Variants in MICAL2 observed in about 807,000 individuals in gnomAD.
MICAL2 encodes the protein [F-actin]-monooxygenase MICAL2.
A neutral mutation model predicts 127.3 loss-of-function variants in MICAL2; 77 were observed. The ratio of observed to expected loss-of-function variants is 0.60; its 90% CI spans 0.50 to 0.73. MICAL2 has a LOEUF of 0.73. MICAL2 is among the 30% of genes least tolerant of loss of function. MICAL2 has a pLI of 0.00. For missense variants in MICAL2, 1,351 were observed against 1,434.4 expected, an observed-to-expected ratio of 0.94 and a Z score of 0.94; for synonymous variants, 570 against 551.1, an observed-to-expected ratio of 1.03 and a Z score of -0.48.
chr11:12,202,826 G>C (rs1854193432), intron 3 of MICAL2, among the ~76,000 whole-genome samples: 1 of 152,106 alleles, frequency 6.6e-6, no homozygotes, highest in Middle Eastern at 3.2e-3. Flanking sequence ...CCCTCTTATA[G>C]TACACAATTC....
downstream of MICAL2, among the ~76,000 whole-genome samples, chr11:12,359,789 G>A (rs913126351): frequency 1.3e-5 from 2 of 152,284 alleles, no homozygotes; most frequent in Non-Finnish European, 2.9e-5. Context: ...ATCGATAAGA[G>A]AAACACTAAA....
At chr11:12,111,885 C>A (rs1449114374) in intron 1 of MICAL2, among the ~76,000 whole-genome samples, 1 of 152,190 alleles carries the variant, frequency 6.6e-6, no homozygotes, top group African/African-American at 2.4e-5. Flanking sequence ...AAGTGGGCCT[C>A]CGGTCTCCAG....
downstream of MICAL2, chr11:12,294,896 C>G (rs1863966023): frequency 1.4e-6 from 2 of 1,428,370 alleles, no homozygotes; most frequent in Non-Finnish European, 9.1e-7. Context: ...GCCCTTCATG[C>G]TGGGCAGTTA....
chr11:12,229,490 C>T (rs921650552), intron 15 of MICAL2, among the ~76,000 whole-genome samples: 11 of 152,208 alleles, frequency 7.2e-5, no homozygotes, highest in Admixed American at 7.2e-4. Flanking sequence ...CTGTTTGGCC[C>T]CAGGCAAGCC....
intron 3 of MICAL2, among the ~76,000 whole-genome samples, chr11:12,183,434 C>T (rs555119954): frequency 6.6e-6 from 1 of 152,284 alleles, no homozygotes; most frequent in Admixed American, 6.5e-5. Flanking sequence ...TGTCCTGGCC[C>T]AGACACAGAG....
At chr11:12,141,952 A>G (rs1852391106) in intron 2 of MICAL2, among the ~76,000 whole-genome samples, 1 of 152,246 alleles carries the variant, frequency 6.6e-6, no homozygotes, top group Non-Finnish European at 1.5e-5. Context: ...AGCTGAAAAG[A>G]ACGACAGATC....
At chr11:12,162,035 C>G (rs2133804334) in intron 2 of MICAL2, 44 bp from the exon 3 acceptor site, 3 of 1,400,016 alleles carry the variant, frequency 2.1e-6, no homozygotes, top group Non-Finnish European at 2.9e-6. Flanking sequence ...CCCACCCTAA[C>G]CTCATCGTCC....
Position 12,300,187 on chromosome 11 carries a change from G to A in MICAL2, c.5212+5330G>A, listed in dbSNP as rs1864031760. 2.0e-5 allele frequency among the ~76,000 whole-genome samples: 3 copies of A among 152,154 alleles called. No individual in the cohort carries two copies. The South Asian group carries it at 6.2e-4, about 32-fold the overall frequency. ...GCAGGTGCTGTAATCCCAGCTACTT[G>A]GGTGGTTGAGGCAGGAGAATTGATT... On this transcript the variant is annotated intron_variant, in intron 29 of 34. Coordinates refer to the MICAL2 transcript ENST00000646065.
intron 1 of MICAL2, among the ~76,000 whole-genome samples, chr11:12,119,133 G>A (rs949536898): frequency 3.3e-5 from 5 of 152,026 alleles, no homozygotes; most frequent in Admixed American, 6.5e-5. Flanking sequence ...CCTCTTCTCC[G>A]TTTCCCTGGG....
chr11:12,357,803 A>C (rs1160337980), intron 34 of MICAL2, among the ~76,000 whole-genome samples: 1 of 152,094 alleles, frequency 6.6e-6, no homozygotes, highest in African/African-American at 2.4e-5. Context: ...ATGCCACTGC[A>C]CTCCAGCCTG....
At chr11:12,140,577 A>C (rs1307620553) in intron 2 of MICAL2, among the ~76,000 whole-genome samples, 1 of 150,878 alleles carries the variant, frequency 6.6e-6, no homozygotes, top group Non-Finnish European at 1.5e-5. Flanking sequence ...CCTGTGGAAT[A>C]TTTGAGTTTC....
At chr11:12,279,406 T>C (rs1250032128) in intron 1 of MICAL2, among the ~76,000 whole-genome samples, 3 of 152,238 alleles carry the variant, frequency 2.0e-5, no homozygotes, top group African/African-American at 7.2e-5. Flanking sequence ...GACTCTGGAA[T>C]GGGGCTTGGG....
chr11:12,270,533 G>A (rs1278283247), intron 24 of MICAL2, among the ~76,000 whole-genome samples: 1 of 152,164 alleles, frequency 6.6e-6, no homozygotes, highest in African/African-American at 2.4e-5. Flanking sequence ...GAGGGACAGT[G>A]GCCTGCTGCT....
At chr11:12,325,354 C>A (rs1864342751) in intron 31 of MICAL2, among the ~76,000 whole-genome samples, 1 of 152,166 alleles carries the variant, frequency 6.6e-6, no homozygotes, top group African/African-American at 2.4e-5. Context: ...AAGTGATCCT[C>A]CCACCACATT....
At chr11:12,331,612 G>C (rs759959420) in intron 32 of MICAL2, among the ~76,000 whole-genome samples, 23 of 152,226 alleles carry the variant, frequency 1.5e-4, no homozygotes, top group South Asian at 4.1e-4. Context: ...ATAATGTACA[G>C]TGAGGTGTCC....
At chr11:12,260,867 CAAAG>C (rs1462559617) in intron 26 of MICAL2, 1 of 985,464 alleles carries the variant, frequency 1.0e-6, no homozygotes, top group Non-Finnish European at 1.2e-6. Context: ...AGCCAAATGA[CAAAG>C]AACCGTGGGG....
At chr11:12,195,605 T>C (rs546355729) in intron 3 of MICAL2, among the ~76,000 whole-genome samples, 15 of 151,228 alleles carry the variant, frequency 9.9e-5, no homozygotes, top group African/African-American at 3.6e-4. Context: ...TAAAAGTAGA[T>C]GCTGGAAATA....
intron 3 of MICAL2, among the ~76,000 whole-genome samples, chr11:12,186,710 T>C (rs1290996906): frequency 6.6e-6 from 1 of 152,186 alleles, no homozygotes; most frequent in African/African-American, 2.4e-5. Context: ...CTCAAGAGCC[T>C]ACTGGGAGTG....
intron 33 of MICAL2, among the ~76,000 whole-genome samples, chr11:12,351,850 G>T (rs1188802487): frequency 2.0e-5 from 3 of 151,832 alleles, no homozygotes; most frequent in Non-Finnish European, 4.4e-5. Flanking sequence ...GAGTGCAGTG[G>T]TGTGATCTCG....
Sources: gnomAD v4.1 joint callset for allele counts (sites outside exome capture counted in the v4.1 genomes callset) on GRCh38, gnomAD v4.1.1 for gene constraint, MANE v1.5 for transcripts, NCBI Gene and HGNC (gene_info 2026-07-23, HGNC 2026-07-21) for gene names.